The following ZCCHC7 variants were observed in gnomAD, a reference collection of about 807,000 sequenced individuals.
ZCCHC7 encodes zinc finger CCHC-type containing 7.
A neutral mutation model predicts 52.0 loss-of-function variants in ZCCHC7; 35 were observed. The observed-to-expected ratio is 0.67, with a 90% confidence interval of 0.51 to 0.89. The LOEUF (loss-of-function observed/expected upper bound fraction) is 0.89, where lower values mean the gene tolerates loss of function less well. ZCCHC7 is among the 40% of genes least tolerant of loss of function. ZCCHC7 has a pLI of 0.00. For synonymous variants in ZCCHC7, 217 were observed against 221.5 expected, an observed-to-expected ratio of 0.98 and a Z score of 0.18; for missense variants, 574 against 649.1, an observed-to-expected ratio of 0.88 and a Z score of 1.26.
At chr9:37,148,697 TATG>T (rs1018463279) in intron 2 of ZCCHC7, among the ~76,000 whole-genome samples, 1 of 152,168 alleles carries the variant, frequency 6.6e-6, no homozygotes, top group Non-Finnish European at 1.5e-5. Context: ...TTTGGACAGA[TATG>T]ATGTTCAAGA....
chr9:37,262,928 T>C (rs940655437), intron 2 of ZCCHC7, among the ~76,000 whole-genome samples: 1 of 152,216 alleles, frequency 6.6e-6, no homozygotes, highest in Non-Finnish European at 1.5e-5. Context: ...TTTCTTAGTT[T>C]GTCTATCCAC....
intron 3 of ZCCHC7, 42 bp from the exon 4 acceptor site, chr9:37,304,146 A>G: frequency 6.3e-7 from 1 of 1,581,472 alleles, no homozygotes; most frequent in Non-Finnish European, 8.6e-7. Context: ...TTTATTTAGC[A>G]GTGAAACAAT....
chr9:37,345,904 A>T (rs995990773), intron 6 of ZCCHC7, among the ~76,000 whole-genome samples: 1 of 152,166 alleles, frequency 6.6e-6, no homozygotes, highest in Admixed American at 6.5e-5. Flanking sequence ...TTGTTTTGCT[A>T]CAGTTTTTCA....
chr9:37,232,628 A>G (rs1825460901), intron 2 of ZCCHC7, among the ~76,000 whole-genome samples: 1 of 152,234 alleles, frequency 6.6e-6, no homozygotes, highest in Non-Finnish European at 1.5e-5. Context: ...AAATCATGAC[A>G]TGAAAATTCT....
At position 37,357,181 on chromosome 9, in the gene ZCCHC7, G is replaced by A. The variant is rs761200575; in HGVS notation, c.1545G>A (p.Arg515=). ...ACAAGTCTCCCAAGGAAGGCAAGAG[G>A]GGCAAGCAGAAGAAAAAGGAGAGGT... ...REDKSPKEGK[R]GKQKKKERCW... The change falls in exon 9 of 9, where the codon AGG becomes AGA. Residue 515 remains arginine, a synonymous_variant. Coordinates refer to ENST00000336755, the MANE Select transcript of ZCCHC7 (RefSeq NM_032226.3). The A allele has an allele frequency of 6.2e-6, 10 of 1,613,306 alleles. No homozygotes were observed. The highest frequency in any genetic ancestry group is 1.1e-5 in the South Asian group (1 of 91,042).
At chr9:37,145,247 T>TA (rs918869354) in intron 2 of ZCCHC7, among the ~76,000 whole-genome samples, 1 of 151,948 alleles carries the variant, frequency 6.6e-6, no homozygotes, top group Admixed American at 6.6e-5. Flanking sequence ...AGACCTTGAT[T>TA]AAAAAAGGGA....
intron 6 of ZCCHC7, among the ~76,000 whole-genome samples, chr9:37,328,991 A>C (rs1025219250): frequency 6.6e-6 from 1 of 151,936 alleles, no homozygotes; most frequent in Non-Finnish European, 1.5e-5. Context: ...TATATATTAC[A>C]AATGTAATTC....
At chr9:37,171,037 C>T (rs185636717) in intron 2 of ZCCHC7, among the ~76,000 whole-genome samples, 1 of 152,164 alleles carries the variant, frequency 6.6e-6, no homozygotes, top group African/African-American at 2.4e-5. Context: ...TTATACTTGT[C>T]CTGGGTTGAA....
chr9:37,259,239 A>G (rs10973275), intron 2 of ZCCHC7, among the ~76,000 whole-genome samples: 22,745 of 152,114 alleles, frequency 0.15, 1,868 homozygotes, highest in Non-Finnish European at 0.17. Context: ...GGGAAGAAAA[A>G]CATGGTAGAG....
intron 6 of ZCCHC7, among the ~76,000 whole-genome samples, chr9:37,337,412 C>A (rs1448806821): frequency 2.5e-5 from 3 of 120,666 alleles, no homozygotes; most frequent in African/African-American, 6.1e-5. Context: ...CCCCCCCCCC[C>A]CCCAAAAAAA....
chr9:37,357,339 GTGTTTA>G lies in ZCCHC7; in HGVS notation c.*73_*78del, dbSNP rs1821775766. The G allele has an allele frequency of 7.2e-7, 1 of 1,395,222 alleles. No homozygotes were observed. The highest frequency in any genetic ancestry group is 1.4e-5 in the African/African-American group (1 of 69,116). The allele number at this position is 1,395,222 out of a possible 1,614,324, so 86.4% of individuals were successfully genotyped here. A position where few individuals can be genotyped will look rare whatever the true frequency, so the allele number is the denominator to read the frequency against. Reference sequence around the variant, plus strand: ...TTTGTGTCTATAACCTTCTGGCACTGTGTTTATTATCTATGATTAAATAAAGTGAGT... The same window carrying G: ...TTTGTGTCTATAACCTTCTGGCACTGTTATCTATGATTAAATAAAGTGAGT... On this transcript the variant is annotated 3_prime_UTR_variant, in exon 9 of 9. Transcript: ENST00000336755.
Position 37,357,269 on chromosome 9 carries a change from G to T in ZCCHC7, c.*1G>T. ...TAAGCAGAGAAAAAAAAAGTCTTAA[G>T]CCGTCAGGCAGCCTCTGATGTGGCT... is the stretch of plus-strand genomic sequence containing the variant. On this transcript the variant is annotated 3_prime_UTR_variant, in exon 9 of 9. Coordinates refer to ENST00000336755, the MANE Select transcript of ZCCHC7 (RefSeq NM_032226.3). The T allele has an allele frequency of 6.3e-7, 1 of 1,586,844 alleles. No homozygotes were observed. The highest frequency in any genetic ancestry group is 8.5e-7 in the Non-Finnish European group (1 of 1,171,382).
chr9:37,241,605 T>C (rs996053810), intron 2 of ZCCHC7, among the ~76,000 whole-genome samples: 4 of 151,886 alleles, frequency 2.6e-5, no homozygotes, highest in African/African-American at 9.7e-5. Flanking sequence ...CTTTTTCCTT[T>C]TGAAAAGTCT....
rs537571332 is a variant in ZCCHC7 at position 37,232,770 on chromosome 9, A to G, written c.611-69418A>G. Among the ~76,000 whole-genome samples, 10 of 152,332 alleles carry G rather than the reference A, an allele frequency of 6.6e-5. No homozygotes were observed. The East Asian group carries it at 1.9e-3, about 29-fold the overall frequency. On this transcript the variant is annotated intron_variant, in intron 2 of 8. Transcript: ENST00000336755. ...CACATACACATAAAGAGATAAAGAA[A>G]TATTTGGGCTCAGTCCCTTCAAATT...
chr9:37,345,400 A>G (rs1254117632), intron 6 of ZCCHC7, among the ~76,000 whole-genome samples: 1 of 152,234 alleles, frequency 6.6e-6, no homozygotes, highest in Non-Finnish European at 1.5e-5. Flanking sequence ...AACCACTGCA[A>G]TAAGGGATAC....
At chr9:37,120,550 A>G (rs1842256510), upstream of ZCCHC7, 13 of 398,964 alleles carry the variant, frequency 3.3e-5, no homozygotes, top group East Asian at 4.3e-4. Context: ...TCCTTACCTC[A>G]TTTGTCCTCG....
At chr9:37,246,085 G>GT (rs1826069000) in intron 2 of ZCCHC7, among the ~76,000 whole-genome samples, 1 of 152,142 alleles carries the variant, frequency 6.6e-6, no homozygotes, top group Non-Finnish European at 1.5e-5. Context: ...AATAGCAGGG[G>GT]TTGGGCAGAT....
chr9:37,270,670 G>A (rs1198209564), intron 2 of ZCCHC7, among the ~76,000 whole-genome samples: 7 of 145,176 alleles, frequency 4.8e-5, no homozygotes, highest in Non-Finnish European at 7.5e-5. Context: ...CAACAAGAGC[G>A]AAACTTTGTC....
In ZCCHC7 at chr9:37,345,323, T is replaced by C. The variant is rs968753999; in HGVS notation, c.988-4034T>C. ...ACGTCAAATAATATAGCTGTCTTTG[T>C]GGGTGGAAAATCATTTCTGCTTAAT... On this transcript the variant is annotated intron_variant, in intron 6 of 8. Transcript: ENST00000336755. Among the ~76,000 whole-genome samples the C allele has an allele frequency of 5.9e-5, 9 of 152,350 alleles. No individual in the cohort carries two copies. In the South Asian group the frequency reaches 6.2e-4, roughly 11 times the overall value.
Sources: allele counts gnomAD v4.1 joint callset (sites outside exome capture counted in the v4.1 genomes callset), GRCh38; gene constraint gnomAD v4.1.1; transcripts MANE v1.5; gene names NCBI Gene and HGNC (gene_info 2026-07-23, HGNC 2026-07-21).